The following DNAAF9 variants were observed in gnomAD, a reference collection of about 807,000 sequenced individuals.
DNAAF9 encodes the protein dynein axonemal assembly factor 9, also known as shulin.
In DNAAF9, 90 loss-of-function variants were observed where a neutral mutation model predicts 167.0. That is an observed-to-expected ratio of 0.54 (90% CI 0.45 to 0.64). The LOEUF (loss-of-function observed/expected upper bound fraction) is 0.64. DNAAF9 is among the 30% of genes least tolerant of loss of function. The pLI is 0.00. For synonymous variants in DNAAF9, 491 were observed against 508.8 expected (o/e 0.96, Z 0.47); for missense variants, 1,315 against 1,442.2 (o/e 0.91, Z 1.43).
intron 7 of DNAAF9, among the ~76,000 whole-genome samples, chr20:3,350,630 T>G (rs2070304694): frequency 6.6e-6 from 1 of 152,046 alleles, no homozygotes; most frequent in Non-Finnish European, 1.5e-5. Flanking sequence ...ACCAGAACAT[T>G]TTAGAGAACT....
chr20:3,387,061 A>G (rs891426935), intron 1 of DNAAF9, among the ~76,000 whole-genome samples: 37 of 152,334 alleles, frequency 2.4e-4, no homozygotes, highest in African/African-American at 8.7e-4. Context: ...ATTGGTAGAC[A>G]ATATCGTTAA....
At chr20:3,291,676 T>C (rs1236763955) in intron 25 of DNAAF9, among the ~76,000 whole-genome samples, 1 of 152,110 alleles carries the variant, frequency 6.6e-6, no homozygotes, top group Non-Finnish European at 1.5e-5. Context: ...CAAGACTCAC[T>C]GGGACAGGCC....
intron 23 of DNAAF9, chr20:3,295,733 G>A: frequency 1.6e-6 from 1 of 632,988 alleles, no homozygotes. Flanking sequence ...CATAACGCGT[G>A]ATGTAGTTGT....
At chr20:3,302,481 T>C (rs1296706996) in intron 21 of DNAAF9, among the ~76,000 whole-genome samples, 1 of 152,158 alleles carries the variant, frequency 6.6e-6, no homozygotes, top group Non-Finnish European at 1.5e-5. Context: ...ACTCATCCTT[T>C]CTAACTTTGT....
intron 1 of DNAAF9, among the ~76,000 whole-genome samples, chr20:3,404,864 A>G (rs1320238388): frequency 1.3e-5 from 2 of 152,228 alleles, no homozygotes; most frequent in African/African-American, 4.8e-5. Context: ...AGGTTAGTTT[A>G]TACCTTGGTA....
At chr20:3,384,199 T>C (rs964049196) in intron 1 of DNAAF9, 4 of 152,240 alleles carry the variant, frequency 2.6e-5, no homozygotes, top group African/African-American at 9.6e-5. Context: ...GTCTTCCATG[T>C]GATATCAAAA....
chr20:3,303,951 C>G (rs1308214319), intron 21 of DNAAF9, among the ~76,000 whole-genome samples: 1 of 152,182 alleles, frequency 6.6e-6, no homozygotes, highest in Non-Finnish European at 1.5e-5. Context: ...GGAGGAGGGG[C>G]TAAACTCTCA....
chr20:3,321,697 G>A (rs2069618769), intron 16 of DNAAF9, among the ~76,000 whole-genome samples: 1 of 152,104 alleles, frequency 6.6e-6, no homozygotes, highest in African/African-American at 2.4e-5. Flanking sequence ...GCCTCCTGAG[G>A]AGGTCGGGCT....
At chr20:3,375,233 G>A in intron 4 of DNAAF9, 107 bp from the exon 5 acceptor site, 2 of 747,836 alleles carry the variant, frequency 2.7e-6, no homozygotes, top group Non-Finnish European at 4.7e-6. Flanking sequence ...GACATTTACA[G>A]AGGACTGCAC....
rs1216809023 is a variant in DNAAF9, at chr20:3,250,846, A to C, written c.*1726T>G. ...CCTTTTCTAAGGCTGCTCAAGTTTG[A>C]GTTTTTAAAAAGAGTTCGGTAGAGC... On this transcript the variant is annotated 3_prime_UTR_variant, in exon 37 of 37. Transcript: ENST00000252032. The C allele has an allele frequency of 6.6e-6, 1 of 152,100 alleles. No homozygotes were observed. The highest frequency in any genetic ancestry group is 2.4e-5 in the African/African-American group (1 of 41,412). 9.4% of individuals were successfully genotyped at this position (152,100 alleles called of 1,614,324 possible).
intron 1 of DNAAF9, among the ~76,000 whole-genome samples, chr20:3,399,869 T>G (rs1310789209): frequency 6.6e-6 from 1 of 152,228 alleles, no homozygotes; most frequent in Non-Finnish European, 1.5e-5. Flanking sequence ...AAGTCATTAC[T>G]GTTAAGCATC....
chr20:3,359,563 C>T lies in DNAAF9; in HGVS notation c.643G>A (p.Val215Ile), dbSNP rs764843298. The T allele has an allele frequency of 1.1e-5, 18 of 1,612,764 alleles. No individual in the cohort carries two copies. Among genetic ancestry groups the T allele is most frequent in the Non-Finnish European group, 1.5e-5 (18 of 1,179,608 alleles). The change falls in exon 7 of 37, where the codon GTC (valine) becomes ATC (isoleucine). Residue 215 changes from valine to isoleucine, a missense_variant. Val to Ile is a conservative substitution (Grantham distance 29, BLOSUM62 3). Coordinates refer to ENST00000252032, the MANE Select transcript of DNAAF9 (RefSeq NM_001009984.3). ...LQDVSLNLWN[V>I]YSKMDPMSLE... ...GACATAGGATCCATCTTGCTGTAGACATTCCATAGATTCAAACTCACATCC... is the reference window on the plus strand; with the variant it reads ...GACATAGGATCCATCTTGCTGTAGATATTCCATAGATTCAAACTCACATCC...
intron 3 of DNAAF9, among the ~76,000 whole-genome samples, chr20:3,379,613 C>T (rs2083620392): frequency 6.6e-6 from 1 of 151,954 alleles, no homozygotes; most frequent in African/African-American, 2.4e-5. Context: ...ATAAAAGTTG[C>T]TTTTAGAAGT....
intron 17 of DNAAF9, 68 bp from the exon 18 acceptor site, chr20:3,316,861 C>G (rs941555132): frequency 2.0e-6 from 2 of 1,005,052 alleles, no homozygotes; most frequent in African/African-American, 3.2e-5. Context: ...GGCCCCAGAC[C>G]CTAAATGCCC....
At chr20:3,283,819 G>C (rs1445004102) in intron 27 of DNAAF9, among the ~76,000 whole-genome samples, 2 of 152,194 alleles carry the variant, frequency 1.3e-5, no homozygotes, top group Non-Finnish European at 2.9e-5. Context: ...GGGGAGCAAA[G>C]GACAACGGAA....
intron 30 of DNAAF9, 41 bp downstream of exon 30, chr20:3,270,386 T>G: frequency 1.3e-6 from 2 of 1,586,590 alleles, no homozygotes. Context: ...GTGCTGTATC[T>G]GAGAAAGCAA....
At chr20:3,283,812 G>C (rs767367039) in intron 27 of DNAAF9, among the ~76,000 whole-genome samples, 11 of 152,232 alleles carry the variant, frequency 7.2e-5, no homozygotes, top group Non-Finnish European at 1.3e-4. Flanking sequence ...TTTCTTAGGG[G>C]AGCAAAGGAC....
intron 29 of DNAAF9, among the ~76,000 whole-genome samples, chr20:3,277,954 C>A (rs1419908143): frequency 6.6e-6 from 1 of 152,168 alleles, no homozygotes; most frequent in African/African-American, 2.4e-5. Context: ...TGAAACTGTG[C>A]TGGGGACACT....
chr20:3,381,886 T>C (rs1395329824), intron 2 of DNAAF9, among the ~76,000 whole-genome samples: 2 of 152,044 alleles, frequency 1.3e-5, no homozygotes, highest in African/African-American at 4.8e-5. Flanking sequence ...AAGAACCCAA[T>C]AATGTGAAGA....
Sources: gnomAD v4.1 joint callset for allele counts (sites outside exome capture counted in the v4.1 genomes callset) on GRCh38, gnomAD v4.1.1 for gene constraint, MANE v1.5 for transcripts, NCBI Gene and HGNC (gene_info 2026-07-23, HGNC 2026-07-21) for gene names.